Variants in TRPM7 observed in about 807,000 individuals in gnomAD.
The protein encoded by TRPM7 is LTRPC ion channel family member 7.
TRPM7 carries 134 observed loss-of-function variants against 229.7 expected under a neutral mutation model. The ratio of observed to expected loss-of-function variants is 0.58; its 90% confidence interval spans 0.51 to 0.67. The LOEUF (loss-of-function observed/expected upper bound fraction) is 0.67, where lower values mean the gene tolerates loss of function less well. TRPM7 is among the 30% of genes least tolerant of loss of function. The pLI is 0.00. For missense variants in TRPM7, 1,901 were observed against 2,210.0 expected, an observed-to-expected ratio of 0.86 and a Z score of 2.80; for synonymous variants, 699 against 715.2, an observed-to-expected ratio of 0.98 and a Z score of 0.36.
intron 1 of TRPM7, among the ~76,000 whole-genome samples, chr15:50,665,745 A>G (rs1159727664): frequency 6.6e-6 from 1 of 152,190 alleles, no homozygotes; most frequent in South Asian, 2.1e-4. Context: ...CTGTAATCCC[A>G]GCACTTTGGG....
chr15:50,670,675 C>T (rs1379226183), intron 1 of TRPM7, among the ~76,000 whole-genome samples: 3 of 152,076 alleles, frequency 2.0e-5, no homozygotes, highest in African/African-American at 7.2e-5. Flanking sequence ...CCTTGCTTAG[C>T]ATATAATCAG....
intron 2 of TRPM7, 49 bp downstream of exon 2, chr15:50,662,918 T>C: frequency 7.6e-7 from 1 of 1,319,412 alleles, no homozygotes; most frequent in South Asian, 1.3e-5. Context: ...ACAATATAAT[T>C]TACACTAAAA....
chr15:50,592,650 T>C lies in TRPM7; in HGVS notation c.3609-24A>G, dbSNP rs776769365. On this transcript the variant is annotated intron_variant, in intron 25 of 38. Transcript: ENST00000646667. Reference sequence around the variant, plus strand: ...CTCTGTAGGAGAGAAATAAGCTTTTTTTACAAATGTGAAAAAATAATGTAG... The same window carrying C: ...CTCTGTAGGAGAGAAATAAGCTTTTCTTACAAATGTGAAAAAATAATGTAG... The C allele has an allele frequency of 3.5e-6, 5 of 1,436,766 alleles. No individual in the cohort carries two copies. In the South Asian group the frequency reaches 6.9e-5, roughly 20 times the overall value. The allele number at this position is 1,436,766 out of a possible 1,614,324, so 89.0% of individuals were successfully genotyped here. A position where few individuals can be genotyped will look rare whatever the true frequency, so the allele number is the denominator to read the frequency against.
chr15:50,567,864 G>T (rs183316162), intron 38 of TRPM7, among the ~76,000 whole-genome samples: 1 of 151,876 alleles, frequency 6.6e-6, no homozygotes, highest in Non-Finnish European at 1.5e-5. Context: ...CGAGGCAGGC[G>T]GATCACAAGG....
At chr15:50,623,224 C>T (rs2060461719) in intron 12 of TRPM7, among the ~76,000 whole-genome samples, 1 of 151,420 alleles carries the variant, frequency 6.6e-6, no homozygotes, top group Non-Finnish European at 1.5e-5. Context: ...CCATCCTGGC[C>T]AACATGGTGA....
intron 4 of TRPM7, among the ~76,000 whole-genome samples, chr15:50,646,383 A>G (rs1458783723): frequency 6.6e-6 from 1 of 152,094 alleles, no homozygotes; most frequent in Non-Finnish European, 1.5e-5. Context: ...CTCAGGCTCA[A>G]CTGATCCTCC....
At chr15:50,570,677 T>TTAAAA (rs1491559427) in intron 36 of TRPM7, among the ~76,000 whole-genome samples, 1 of 91,746 alleles carries the variant, frequency 1.1e-5, no homozygotes. Flanking sequence ...ACTTCATTCC[T>TTAAAA]AAAAAAAAAA....
chr15:50,561,743 T>C lies in TRPM7; in HGVS notation c.5533A>G (p.Asn1845Asp), dbSNP rs769610432. ...IFPQDEPSDL[N>D]LQPGNSTKES... Reference sequence around the variant, plus strand: ...TTGGTGGAATTTCCAGGCTGAAGATTCAAATCTGAAGGCTCATCCTGAGGA... The same window carrying C: ...TTGGTGGAATTTCCAGGCTGAAGATCCAAATCTGAAGGCTCATCCTGAGGA... Residue 1845 changes from asparagine to aspartate, a missense_variant, in exon 39 of 39, where the codon AAT becomes GAT. By Grantham distance (23) the Asn-to-Asp change is conservative. Transcript: ENST00000646667. The C allele has an allele frequency of 5.0e-6, 8 of 1,613,146 alleles. No homozygotes were observed. In the East Asian group the frequency reaches 1.8e-4, roughly 36 times the overall value.
chr15:50,665,948 G>A (rs1596335747), intron 1 of TRPM7, among the ~76,000 whole-genome samples: 2 of 151,992 alleles, frequency 1.3e-5, no homozygotes, highest in East Asian at 1.9e-4. Context: ...AGCCCAGATC[G>A]TGCTACTGCA....
intron 4 of TRPM7, among the ~76,000 whole-genome samples, chr15:50,647,190 G>A (rs1312075379): frequency 1.3e-5 from 2 of 152,100 alleles, no homozygotes; most frequent in African/African-American, 4.8e-5. Context: ...GAGTGCAGTG[G>A]CGCGATCTCG....
Position 50,574,849 on chromosome 15 carries a change from TACTCTC to T in TRPM7, c.5016_5019+2del, listed in dbSNP as rs766942017. On this transcript the variant is annotated splice_donor_variant and coding_sequence_variant, in exon 34 of 39. Coordinates refer to ENST00000646667, the MANE Select transcript of TRPM7 (RefSeq NM_017672.6). LOFTEE classifies it high-confidence loss of function. ...CCACTATTAAATATTCACTGACACT[TACTCTC>T]AGACAGAGATGCAGAACTGTATCTT... is the stretch of plus-strand genomic sequence containing the variant. 9 of 1,607,438 alleles carry T rather than the reference TACTCTC, an allele frequency of 5.6e-6. No homozygotes were observed. The East Asian group carries it at 1.1e-4, about 20-fold the overall frequency.
Position 50,558,735 on chromosome 15 carries a change from T to C in TRPM7, c.*2943A>G, listed in dbSNP as rs1037404598. The C allele has an allele frequency of 6.6e-6, 1 of 151,338 alleles. No homozygotes were observed. The highest frequency in any genetic ancestry group is 2.4e-5 in the African/African-American group (1 of 41,278). The allele number at this position is 151,338 out of a possible 1,614,324, so 9.4% of individuals were successfully genotyped here. ...TAAAAATGAAAAATAAAAAAATATA[T>C]ATATAAAATTAGGTACGTGTGGTGG... On this transcript the variant is annotated 3_prime_UTR_variant, in exon 39 of 39. Coordinates refer to ENST00000646667, the MANE Select transcript of TRPM7 (RefSeq NM_017672.6).
intron 1 of TRPM7, among the ~76,000 whole-genome samples, chr15:50,682,173 C>CAAAAAAAA (rs34590459): frequency 0.013 from 836 of 63,464 alleles, 55 homozygotes; most frequent in African/African-American, 0.052. Context: ...AACTCAGTCT[C>CAAAAAAAA]AAAAAAAAAA....
Position 50,663,035 on chromosome 15 carries a change from G to C in TRPM7, c.15C>G (p.Ser5=). ...TCTTGGTCAAAGTGCTTTCTATCCAGGATTTCTGGGACTAAAACAAAATGT... is the reference window on the plus strand; with the variant it reads ...TCTTGGTCAAAGTGCTTTCTATCCACGATTTCTGGGACTAAAACAAAATGT... The part of the protein sequence containing the change: MSQK[S]WIESTLTKRE... The change falls in exon 2 of 39, where the codon TCC becomes TCG. Residue 5 remains serine (S), a synonymous_variant. Transcript: ENST00000646667. 1 of 1,612,866 alleles carries C rather than the reference G, an allele frequency of 6.2e-7. No homozygotes were observed. Among genetic ancestry groups the C allele is most frequent in the Non-Finnish European group, 8.5e-7 (1 of 1,179,286 alleles).
At position 50,569,868 on chromosome 15, in the gene TRPM7, T is replaced by C. The variant is rs373590475; in HGVS notation, c.5467+19A>G. ...TTTCGTAACAATTTATATACTATAC[T>C]GATTAAGAAATTTTTTACCTGGAAG... is the stretch of plus-strand genomic sequence containing the variant. On this transcript the variant is annotated intron_variant, in intron 38 of 38. Coordinates refer to ENST00000646667, the MANE Select transcript of TRPM7 (RefSeq NM_017672.6). The C allele has an allele frequency of 6.4e-7, 1 of 1,551,684 alleles. No homozygotes were observed. Among genetic ancestry groups the C allele is most frequent in the South Asian group, 1.2e-5 (1 of 86,516 alleles).
chr15:50,639,848 C>A (rs1460522256), intron 5 of TRPM7, among the ~76,000 whole-genome samples: 1 of 151,446 alleles, frequency 6.6e-6, no homozygotes, highest in Non-Finnish European at 1.5e-5. Flanking sequence ...CAATCCTGTG[C>A]TAAATCTGTA....
In TRPM7 at chr15:50,575,899, G is replaced by T. The variant is rs779024700; in HGVS notation, c.4639C>A (p.Pro1547Thr). ...TLNGLTSPFK[P>T]AMDTNYYYSA... is the part of the protein sequence containing the mutation. ...TAATAGTAATTTGTATCCATAGCTG[G>T]CTTAAATGGAGAAGTGAGACCTAGA... Residue 1547 changes from proline (P) to threonine (T), a missense_variant, in exon 32 of 39, where the codon CCA (proline) becomes ACA (threonine). This residue lies in a region of TRPM7 where 533 missense variants were observed against 497.1 expected (regional missense o/e 1.07). Transcript: ENST00000646667. 1.5e-5 allele frequency: 24 copies of T among 1,613,144 alleles called. No homozygotes were observed. The highest frequency in any genetic ancestry group is 1.9e-5 in the Non-Finnish European group (23 of 1,179,642).
chr15:50,653,815 T>A (rs538985292), intron 3 of TRPM7, among the ~76,000 whole-genome samples: 8 of 152,272 alleles, frequency 5.3e-5, no homozygotes, highest in African/African-American at 1.9e-4. Context: ...CTAAGGTGTA[T>A]CTGTGAGAGA....
chr15:50,655,394 C>CT (rs902722787), intron 3 of TRPM7, among the ~76,000 whole-genome samples: 1 of 147,108 alleles, frequency 6.8e-6, no homozygotes, highest in Non-Finnish European at 1.5e-5. Context: ...GATCGCACCA[C>CT]TGCACTCCAG....
Sources: gnomAD v4.1 joint callset for allele counts (sites outside exome capture counted in the v4.1 genomes callset) on GRCh38, gnomAD v4.1.1 for gene constraint, gnomAD v4.1.1 regional missense constraint, MANE v1.5 for transcripts, NCBI Gene and HGNC (gene_info 2026-07-23, HGNC 2026-07-21) for gene names.